ADAMTSL1: variants seen among roughly 807,000 people sequenced by gnomAD.
ADAMTSL1 encodes ADAMTS like 1, also known as ADAMTS-like protein 1.
A neutral mutation model predicts 201.8 loss-of-function variants in ADAMTSL1; 126 were observed. The ratio of observed to expected loss-of-function variants is 0.62; its 90% CI spans 0.54 to 0.72. The LOEUF (loss-of-function observed/expected upper bound fraction) is 0.72, where lower values mean the gene tolerates loss of function less well. Ranked by LOEUF, ADAMTSL1 falls within the 30% of genes least tolerant of loss-of-function variation. ADAMTSL1 has a pLI of 0.00. For synonymous variants in ADAMTSL1, 1,121 were observed against 903.4 expected (o/e 1.24, Z -4.32); for missense variants, 2,679 against 2,277.8 (o/e 1.18, Z -3.59).
In ADAMTSL1 at chr9:18,159,245, GA is replaced by G. The variant is rs766318086; in HGVS notation, c.88-4610del. 6.6e-5 allele frequency among the ~76,000 whole-genome samples: 10 copies of G among 151,824 alleles called. No individual in the cohort carries two copies. The East Asian group carries it at 1.2e-3, about 18-fold the overall frequency. ...ATATTTTACAGAGTCCTTTTGGTAG[GA>G]AAAAAATTTTTAACCGTGTGGTTTT... On this transcript the variant is annotated intron_variant, in intron 1 of 29. Coordinates refer to the ADAMTSL1 transcript ENST00000680146.
intron 5 of ADAMTSL1, among the ~76,000 whole-genome samples, chr9:18,630,051 A>G (rs1826652523): frequency 1.3e-5 from 2 of 151,898 alleles, no homozygotes; most frequent in African/African-American, 4.8e-5. Context: ...TACAAATTTT[A>G]CTTTCTTGGG....
rs866508487 is a variant in ADAMTSL1 at position 18,547,631 on chromosome 9, T to A, written c.237+14339T>A. Among the ~76,000 whole-genome samples, 760 of 83,164 alleles carry A rather than the reference T, an allele frequency of 9.1e-3. 6 individuals are homozygous for A. Among genetic ancestry groups the A allele is most frequent in the East Asian group, 0.033 (96 of 2,936 alleles). The allele number at this position is 83,164 out of a possible 152,430, so 54.6% of individuals were successfully genotyped here. A position where few individuals can be genotyped will look rare whatever the true frequency, so the allele number is the denominator to read the frequency against. On this transcript the variant is annotated intron_variant, in intron 3 of 28. Transcript: ENST00000380548. ...GTTGTGAAGAGCGGCTGTATATATA[T>A]ATAAAAAAAAAAAAAAAAAAAAAGA...
intron 2 of ADAMTSL1, among the ~76,000 whole-genome samples, chr9:18,214,336 G>A (rs1376850567): frequency 1.3e-5 from 2 of 152,200 alleles, no homozygotes; most frequent in East Asian, 3.8e-4. Context: ...TTGAAGTTAT[G>A]TAGTGTGTTT....
chr9:18,295,108 A>G (rs1260170718), intron 2 of ADAMTSL1, among the ~76,000 whole-genome samples: 1 of 152,158 alleles, frequency 6.6e-6, no homozygotes, highest in East Asian at 1.9e-4. Flanking sequence ...CTTAGAAAGC[A>G]TCAACCTGTA....
intron 17 of ADAMTSL1, 25 bp downstream of exon 17, chr9:18,770,806 T>G (rs753243068): frequency 5.0e-6 from 8 of 1,605,544 alleles, no homozygotes; most frequent in Non-Finnish European, 6.0e-6. Context: ...CCGAAGAGAA[T>G]GAAAGAGATC....
intron 15 of ADAMTSL1, chr9:18,723,319 GC>G (rs1817661479): frequency 7.2e-6 from 4 of 551,794 alleles, no homozygotes; most frequent in African/African-American, 5.7e-5. Flanking sequence ...TGAAAAACAT[GC>G]AAAAGGGTCT....
chr9:17,937,385 A>G (rs775158748), intron 1 of ADAMTSL1, among the ~76,000 whole-genome samples: 2 of 151,982 alleles, frequency 1.3e-5, no homozygotes, highest in East Asian at 3.9e-4. Context: ...TTCTGCCTTC[A>G]CTGCACACGT....
chr9:18,073,227 T>G (rs1349587760), intron 1 of ADAMTSL1, among the ~76,000 whole-genome samples: 1 of 152,142 alleles, frequency 6.6e-6, no homozygotes, highest in Non-Finnish European at 1.5e-5. Flanking sequence ...CCAAAGTGCA[T>G]GACATACTGC....
intron 2 of ADAMTSL1, among the ~76,000 whole-genome samples, chr9:18,262,246 T>C (rs1415124994): frequency 2.0e-5 from 3 of 152,046 alleles, no homozygotes; most frequent in Admixed American, 2.0e-4. Context: ...CTAAGGATCA[T>C]ATATTAGGGG....
intron 2 of ADAMTSL1, among the ~76,000 whole-genome samples, chr9:18,164,265 G>A (rs981093000): frequency 2.0e-5 from 3 of 151,916 alleles, no homozygotes; most frequent in Non-Finnish European, 4.4e-5. Context: ...TTTTGCCAGC[G>A]AGTCTGAACA....
At chr9:18,307,411 G>A (rs1208011365) in intron 2 of ADAMTSL1, among the ~76,000 whole-genome samples, 3 of 152,090 alleles carry the variant, frequency 2.0e-5, no homozygotes, top group African/African-American at 4.8e-5. Flanking sequence ...ATTGGATAAA[G>A]GGTCAAGACC....
At chr9:18,703,528 T>C (rs1160178135) in intron 13 of ADAMTSL1, among the ~76,000 whole-genome samples, 1 of 151,722 alleles carries the variant, frequency 6.6e-6, no homozygotes, top group African/African-American at 2.4e-5. Flanking sequence ...TTGTTTTTAA[T>C]TGGTGTGAAC....
chr9:18,139,950 A>C, intron 1 of ADAMTSL1, among the ~76,000 whole-genome samples: 1 of 152,200 alleles, frequency 6.6e-6, no homozygotes, highest in East Asian at 1.9e-4. Flanking sequence ...CTGGAAATTT[A>C]GAGGATGCTA....
At chr9:18,775,956 C>T in intron 18 of ADAMTSL1, 60 bp downstream of exon 18, 1 of 1,548,326 alleles carries the variant, frequency 6.5e-7, no homozygotes. Context: ...CAGCTATAGC[C>T]ACCACGCCGT....
chr9:18,207,929 G>C (rs929975330), intron 2 of ADAMTSL1, among the ~76,000 whole-genome samples: 2 of 152,264 alleles, frequency 1.3e-5, no homozygotes, highest in African/African-American at 4.8e-5. Context: ...GCTCTAGAGA[G>C]AAGCACTGTC....
chr9:18,856,022 C>G (rs1273357152), intron 23 of ADAMTSL1, among the ~76,000 whole-genome samples: 1 of 152,166 alleles, frequency 6.6e-6, no homozygotes, highest in Non-Finnish European at 1.5e-5. Flanking sequence ...CTGTTGTTCT[C>G]TACATTAATG....
At chr9:18,217,018 A>C (rs998458322) in intron 2 of ADAMTSL1, among the ~76,000 whole-genome samples, 3 of 152,104 alleles carry the variant, frequency 2.0e-5, no homozygotes, top group African/African-American at 7.2e-5. Context: ...AGGAAGACAA[A>C]TGAGGGGTCA....
chr9:18,029,073 G>C (rs1165147141), intron 1 of ADAMTSL1, among the ~76,000 whole-genome samples: 1 of 152,014 alleles, frequency 6.6e-6, no homozygotes, highest in Non-Finnish European at 1.5e-5. Flanking sequence ...GTCTGTTATT[G>C]GTGTATAAGA....
Position 18,399,280 on chromosome 9 carries a change from CATATATATATATATATATATATATATAT to C in ADAMTSL1, c.208-105527_208-105500del, listed in dbSNP as rs561622408. Among the ~76,000 whole-genome samples the C allele has an allele frequency of 8.9e-3, 277 of 31,012 alleles. 13 individuals carry two copies. The highest frequency in any genetic ancestry group is 0.028 in the Middle Eastern group (1 of 36). The allele number at this position is 31,012 out of a possible 152,430, so 20.3% of individuals were successfully genotyped here. A position where few individuals can be genotyped will look rare whatever the true frequency, so the allele number is the denominator to read the frequency against. ...TTCTTTAGTTCCTCTGTCTGCTTTA[CATATATATATATATATATATATATATAT>C]ATATATATATATATATATATAAAAT... On this transcript the variant is annotated intron_variant, in intron 2 of 29. Coordinates refer to the ADAMTSL1 transcript ENST00000680146.
Sources: allele counts gnomAD v4.1 joint callset (sites outside exome capture counted in the v4.1 genomes callset), GRCh38; gene constraint gnomAD v4.1.1; transcripts MANE v1.5; gene names NCBI Gene and HGNC (gene_info 2026-07-23, HGNC 2026-07-21).